Variants in SLC9D1 observed in about 807,000 individuals in gnomAD.
The protein encoded by SLC9D1 is solute carrier family 9 member D1, also known as putative LAG1-interacting protein.
the SLC9D1 span, among the ~76,000 whole-genome samples, chr13:113,530,784 A>G: frequency 1.3e-5 from 2 of 152,246 alleles, no homozygotes; most frequent in African/African-American, 4.8e-5. Context: ...ACAGAGGCTT[A>G]TGTTTCTTAT....
chr13:113,549,352 A>C, the SLC9D1 span: 1 of 1,541,176 alleles, frequency 6.5e-7, no homozygotes, highest in Non-Finnish European at 8.8e-7. Flanking sequence ...CAGTGAGACC[A>C]GCCCTGTGCT....
the SLC9D1 span, among the ~76,000 whole-genome samples, chr13:113,515,204 T>A: frequency 1.3e-5 from 2 of 152,238 alleles, no homozygotes; most frequent in Admixed American, 1.3e-4. Context: ...ACAGCATTAT[T>A]TTTAGTAGCA....
the SLC9D1 span, chr13:113,529,452 C>T: frequency 6.6e-6 from 1 of 152,150 alleles, no homozygotes; most frequent in African/African-American, 2.4e-5. Flanking sequence ...AGATCGAGAC[C>T]ATCCTGGCTA....
the SLC9D1 span, among the ~76,000 whole-genome samples, chr13:113,546,576 C>T: frequency 6.6e-6 from 1 of 152,156 alleles, no homozygotes; most frequent in Non-Finnish European, 1.5e-5. This position sits in a 1 kb window ranked among gnomAD's most constrained non-coding sequence, Gnocchi z 7.1. Flanking sequence ...TTGTGAACGG[C>T]AGAAAGGTCA....
At chr13:113,516,562 T>A in the SLC9D1 span, among the ~76,000 whole-genome samples, 1 of 109,378 alleles carries the variant, frequency 9.1e-6, no homozygotes. Flanking sequence ...TGAGACTCCA[T>A]CTCAAAAAAA....
the SLC9D1 span, chr13:113,536,556 T>A: frequency 1.0e-6 from 1 of 985,080 alleles, no homozygotes; most frequent in East Asian, 1.1e-4. Flanking sequence ...CCCAGCAGAA[T>A]TGTCTTATCT....
At chr13:113,543,692 G>A in the SLC9D1 span, among the ~76,000 whole-genome samples, 20 of 149,720 alleles carry the variant, frequency 1.3e-4, no homozygotes, top group African/African-American at 2.2e-4. Flanking sequence ...TGCCCTGGCC[G>A]TGGCGTGTGA....
At chr13:113,537,388 C>T in the SLC9D1 span, among the ~76,000 whole-genome samples, 2 of 152,242 alleles carry the variant, frequency 1.3e-5, no homozygotes, top group African/African-American at 2.4e-5. Context: ...TGCTTCTGGC[C>T]GTGTCGCGTG....
At chr13:113,534,061 C>G in the SLC9D1 span, 4 of 1,605,792 alleles carry the variant, frequency 2.5e-6, no homozygotes, top group Non-Finnish European at 3.4e-6. Context: ...CGTGGAAGTT[C>G]TCCGAATCCT....
the SLC9D1 span, among the ~76,000 whole-genome samples, chr13:113,517,661 G>A: frequency 3.3e-5 from 5 of 152,080 alleles, no homozygotes; most frequent in South Asian, 2.1e-4. Context: ...GGTCAAAAAC[G>A]GCAAGTCGCA....
the SLC9D1 span, chr13:113,533,914 A>T: frequency 1.4e-6 from 1 of 726,446 alleles, no homozygotes; most frequent in East Asian, 2.5e-5. Flanking sequence ...TTTGTATTTG[A>T]AAATAAAGAT....
chr13:113,491,662 G>A, the SLC9D1 span, among the ~76,000 whole-genome samples: 1 of 152,184 alleles, frequency 6.6e-6, no homozygotes, highest in South Asian at 2.1e-4. Context: ...GCTCTTCGCT[G>A]AGGCCCACGT....
the SLC9D1 span, among the ~76,000 whole-genome samples, chr13:113,525,605 G>A: frequency 7.9e-5 from 7 of 88,828 alleles, no homozygotes; most frequent in African/African-American, 2.6e-4. Flanking sequence ...ACAAGCCATC[G>A]TCATCATAGC....
chr13:113,498,269 G>A, the SLC9D1 span: 1 of 1,150,002 alleles, frequency 8.7e-7, no homozygotes, highest in South Asian at 1.8e-5. Flanking sequence ...CAAAGCAGGA[G>A]GATTGATTAA....
chr13:113,502,413 C>T, the SLC9D1 span, among the ~76,000 whole-genome samples: 6 of 152,124 alleles, frequency 3.9e-5, no homozygotes, highest in African/African-American at 1.4e-4. Flanking sequence ...CGGGGTTTCA[C>T]TATGTTAGTC....
chr13:113,520,095 G>A, the SLC9D1 span, among the ~76,000 whole-genome samples: 15 of 152,334 alleles, frequency 9.8e-5, no homozygotes, highest in South Asian at 2.3e-3. Flanking sequence ...CAAGTAAGTC[G>A]TGGAAGTAAA....
chr13:113,543,719 C>T, the SLC9D1 span, among the ~76,000 whole-genome samples: 3 of 150,246 alleles, frequency 2.0e-5, no homozygotes, highest in Non-Finnish European at 4.4e-5. Flanking sequence ...GTCTTGTCCG[C>T]CGGGGCTTTG....
the SLC9D1 span, among the ~76,000 whole-genome samples, chr13:113,537,910 CATGTGT>C: frequency 6.6e-6 from 1 of 152,044 alleles, no homozygotes; most frequent in African/African-American, 2.4e-5. Context: ...CGTGCATGTG[CATGTGT>C]GTGTTCTTTG....
the SLC9D1 span, among the ~76,000 whole-genome samples, chr13:113,518,333 A>C: frequency 6.6e-6 from 1 of 152,088 alleles, no homozygotes; most frequent in Non-Finnish European, 1.5e-5. Context: ...GTCCTGCATC[A>C]GGGACCTTGG....
Sources: allele counts gnomAD v4.1 joint callset (sites outside exome capture counted in the v4.1 genomes callset), GRCh38; gene constraint gnomAD v4.1.1; non-coding constraint Gnocchi (gnomAD v3.1); transcripts MANE v1.5; gene names NCBI Gene and HGNC (gene_info 2026-07-23, HGNC 2026-07-21).